Variants in ADAMTSL1 observed in about 807,000 individuals in gnomAD.
ADAMTSL1 encodes ADAMTS like 1.
ADAMTSL1 carries 126 observed loss-of-function variants against 201.8 expected under a neutral mutation model. The ratio of observed to expected loss-of-function variants is 0.62; its 90% CI spans 0.54 to 0.72. The LOEUF (loss-of-function observed/expected upper bound fraction) is 0.72, where lower values mean the gene tolerates loss of function less well. ADAMTSL1 is among the 30% of genes least tolerant of loss of function. The probability of loss-of-function intolerance (pLI) is 0.00; values close to 1 mark genes in which losing one functional copy is unlikely to be tolerated. For missense variants in ADAMTSL1, 2,679 were observed against 2,277.8 expected (o/e 1.18, Z -3.59); for synonymous variants, 1,121 against 903.4 (o/e 1.24, Z -4.32).
At chr9:18,815,468 T>G (rs1343974326) in intron 20 of ADAMTSL1, among the ~76,000 whole-genome samples, 1 of 151,318 alleles carries the variant, frequency 6.6e-6, no homozygotes, top group Non-Finnish European at 1.5e-5. Flanking sequence ...GTGGATCGCT[T>G]GAGCCCAGCC....
chr9:18,107,546 T>A (rs1824812429), intron 1 of ADAMTSL1, among the ~76,000 whole-genome samples: 1 of 152,126 alleles, frequency 6.6e-6, no homozygotes, highest in Non-Finnish European at 1.5e-5. Flanking sequence ...AACATAAAAA[T>A]AACATGATTT....
chr9:18,038,913 C>G (rs1821319449), intron 1 of ADAMTSL1, among the ~76,000 whole-genome samples: 1 of 152,138 alleles, frequency 6.6e-6, no homozygotes, highest in African/African-American at 2.4e-5. Flanking sequence ...ACAGTAATTA[C>G]CAGTGACAAA....
intron 1 of ADAMTSL1, among the ~76,000 whole-genome samples, chr9:18,074,827 G>T (rs969530771): frequency 6.6e-6 from 1 of 152,086 alleles, no homozygotes; most frequent in African/African-American, 2.4e-5. Context: ...CTAACCTCAG[G>T]TGATCCACCT....
chr9:18,126,927 C>T (rs991935666), intron 1 of ADAMTSL1, among the ~76,000 whole-genome samples: 14 of 152,066 alleles, frequency 9.2e-5, no homozygotes, highest in African/African-American at 2.9e-4. Context: ...AGTTTATCAT[C>T]GGTGGTAAGC....
chr9:18,339,749 C>T (rs35484155), intron 2 of ADAMTSL1, among the ~76,000 whole-genome samples: 8,456 of 152,118 alleles, frequency 0.056, 317 homozygotes, highest in Middle Eastern at 0.085. Flanking sequence ...CTGATTATCC[C>T]CTTTTCTTCT....
At chr9:18,288,986 C>A (rs1244270727) in intron 2 of ADAMTSL1, among the ~76,000 whole-genome samples, 1 of 152,112 alleles carries the variant, frequency 6.6e-6, no homozygotes, top group Non-Finnish European at 1.5e-5. Flanking sequence ...AGTAATTATA[C>A]CAGATGATCC....
intron 1 of ADAMTSL1, among the ~76,000 whole-genome samples, chr9:18,132,424 C>T (rs1173400629): frequency 1.3e-5 from 2 of 152,184 alleles, no homozygotes; most frequent in African/African-American, 4.8e-5. Context: ...CAAACTGAAA[C>T]TCTACCCATT....
At chr9:17,946,294 G>C (rs1025146016) in intron 1 of ADAMTSL1, among the ~76,000 whole-genome samples, 3 of 151,796 alleles carry the variant, frequency 2.0e-5, no homozygotes, top group African/African-American at 7.3e-5. Flanking sequence ...CCATCATGCC[G>C]AGCTGACCTT....
chr9:18,582,176 A>G (rs1011114953), intron 4 of ADAMTSL1, among the ~76,000 whole-genome samples: 4 of 152,202 alleles, frequency 2.6e-5, no homozygotes, highest in Non-Finnish European at 2.9e-5. Context: ...TCTAGCCATA[A>G]CCTTGGCCCT....
intron 26 of ADAMTSL1, among the ~76,000 whole-genome samples, chr9:18,900,251 A>G (rs553163797): frequency 1.3e-5 from 2 of 152,362 alleles, no homozygotes; most frequent in East Asian, 3.9e-4. Context: ...TGCCAGTCAG[A>G]ATGGCGATTA....
intron 2 of ADAMTSL1, chr9:18,361,945 A>C (rs1386823809): frequency 1.3e-5 from 2 of 152,202 alleles, no homozygotes. Flanking sequence ...GAAGGGGAGC[A>C]TAAAATACTT....
At chr9:17,999,251 C>G (rs892898835) in intron 1 of ADAMTSL1, among the ~76,000 whole-genome samples, 2 of 151,912 alleles carry the variant, frequency 1.3e-5, no homozygotes, top group Admixed American at 1.3e-4. Flanking sequence ...GTCTAAAATA[C>G]GGATTATAGC....
At chr9:18,235,971 GC>G (rs1310715593) in intron 2 of ADAMTSL1, among the ~76,000 whole-genome samples, 6 of 152,142 alleles carry the variant, frequency 3.9e-5, no homozygotes, top group Admixed American at 3.9e-4. Flanking sequence ...GCAAGATGAT[GC>G]TTTTGTAGGT....
chr9:18,037,771 TA>T (rs1334802758), intron 1 of ADAMTSL1, among the ~76,000 whole-genome samples: 5 of 152,200 alleles, frequency 3.3e-5, no homozygotes, highest in Admixed American at 2.0e-4. Flanking sequence ...GTGAGTGAAG[TA>T]AAATTGTTCC....
intron 2 of ADAMTSL1, among the ~76,000 whole-genome samples, chr9:18,287,318 T>C (rs1405261046): frequency 1.3e-5 from 2 of 151,568 alleles, no homozygotes; most frequent in African/African-American, 2.4e-5. Flanking sequence ...TACATATGTA[T>C]GTATACACAC....
At chr9:18,133,945 T>A (rs1339169654) in intron 1 of ADAMTSL1, among the ~76,000 whole-genome samples, 3 of 152,118 alleles carry the variant, frequency 2.0e-5, no homozygotes, top group East Asian at 3.9e-4. Context: ...TATCCATTAG[T>A]GTAAAATGGG....
chr9:18,398,153 A>G (rs1006618443), intron 2 of ADAMTSL1, among the ~76,000 whole-genome samples: 12 of 152,146 alleles, frequency 7.9e-5, no homozygotes, highest in Non-Finnish European at 1.6e-4. Flanking sequence ...TAAATTTCTC[A>G]AATTAAATAG....
At chr9:18,054,968 G>T (rs1822111327) in intron 1 of ADAMTSL1, among the ~76,000 whole-genome samples, 1 of 152,080 alleles carries the variant, frequency 6.6e-6, no homozygotes, top group Non-Finnish European at 1.5e-5. Flanking sequence ...TGACATTAGG[G>T]CATGCTCCCT....
At chr9:18,438,850 G>A (rs996248888) in intron 2 of ADAMTSL1, among the ~76,000 whole-genome samples, 15 of 152,106 alleles carry the variant, frequency 9.9e-5, no homozygotes, top group African/African-American at 3.4e-4. Flanking sequence ...TGCACCACGT[G>A]CATTTCCCCA....
Sources: allele counts gnomAD v4.1 joint callset (sites outside exome capture counted in the v4.1 genomes callset), GRCh38; gene constraint gnomAD v4.1.1; transcripts MANE v1.5; gene names NCBI Gene and HGNC (gene_info 2026-07-23, HGNC 2026-07-21).